FSTL5: variants seen among roughly 807,000 people sequenced by gnomAD.
The protein encoded by FSTL5 is follistatin-related protein 5.
FSTL5 carries 62 observed loss-of-function variants against 89.1 expected under a neutral mutation model. The ratio of observed to expected loss-of-function variants is 0.70; its 90% CI spans 0.57 to 0.86. FSTL5 has a LOEUF of 0.86. FSTL5 is among the 40% of genes least tolerant of loss of function. The pLI is 0.00. For synonymous variants in FSTL5, 383 were observed against 346.2 expected (o/e 1.11, Z -1.18); for missense variants, 1,057 against 1,001.6 (o/e 1.06, Z -0.75).
intron 4 of FSTL5, among the ~76,000 whole-genome samples, chr4:161,864,483 T>A (rs1272500964): frequency 6.6e-6 from 1 of 152,194 alleles, no homozygotes; most frequent in Non-Finnish European, 1.5e-5. Flanking sequence ...GAAAATAGAT[T>A]AAATTAAAGG....
chr4:162,019,649 C>T (rs961886355), intron 3 of FSTL5, among the ~76,000 whole-genome samples: 1 of 151,710 alleles, frequency 6.6e-6, no homozygotes, highest in African/African-American at 2.4e-5. Flanking sequence ...AATATATTCT[C>T]AATATCTTTT....
intron 4 of FSTL5, among the ~76,000 whole-genome samples, chr4:161,835,052 A>G (rs1356823283): frequency 6.9e-6 from 1 of 145,570 alleles, no homozygotes; most frequent in African/African-American, 2.7e-5. Flanking sequence ...ACTTCAAACT[A>G]TACTATAAGG....
At chr4:161,705,858 C>T (rs1295887855) in intron 6 of FSTL5, among the ~76,000 whole-genome samples, 1 of 146,506 alleles carries the variant, frequency 6.8e-6, no homozygotes, top group Non-Finnish European at 1.5e-5. Flanking sequence ...CCAGGAAGGT[C>T]AAGACTGCAT....
At chr4:161,791,396 A>G (rs1398262249) in intron 4 of FSTL5, among the ~76,000 whole-genome samples, 2 of 69,190 alleles carry the variant, frequency 2.9e-5, no homozygotes, top group Non-Finnish European at 7.0e-5. Context: ...CTTAAATTAC[A>G]GATTGAAACA....
intron 4 of FSTL5, among the ~76,000 whole-genome samples, chr4:161,821,338 A>ACT (rs1730487551): frequency 1.3e-5 from 2 of 152,222 alleles, no homozygotes; most frequent in Non-Finnish European, 2.9e-5. Flanking sequence ...GCACATGGCC[A>ACT]GAAACAGGTT....
intron 15 of FSTL5, among the ~76,000 whole-genome samples, chr4:161,415,503 C>A (rs1731741875): frequency 1.3e-5 from 2 of 152,030 alleles, no homozygotes; most frequent in African/African-American, 4.8e-5. Context: ...GATCCACCCG[C>A]ATCAACCTCC....
intron 2 of FSTL5, among the ~76,000 whole-genome samples, chr4:162,084,620 G>A (rs1730235146): frequency 6.6e-6 from 1 of 152,038 alleles, no homozygotes; most frequent in Non-Finnish European, 1.5e-5. Context: ...CATGTCCTTT[G>A]CAGGGACATG....
At chr4:161,467,067 G>C (rs1453133365) in intron 13 of FSTL5, among the ~76,000 whole-genome samples, 2 of 151,798 alleles carry the variant, frequency 1.3e-5, no homozygotes, top group African/African-American at 4.8e-5. Flanking sequence ...GGGATCAGTT[G>C]GACTGGACTG....
At chr4:161,422,590 C>T (rs866539762) in intron 15 of FSTL5, among the ~76,000 whole-genome samples, 1 of 152,118 alleles carries the variant, frequency 6.6e-6, no homozygotes, top group South Asian at 2.1e-4. Context: ...CTCAGAGAAC[C>T]TGAGCATCCA....
At chr4:161,389,999 C>A (rs1037017081) in intron 15 of FSTL5, among the ~76,000 whole-genome samples, 10 of 152,114 alleles carry the variant, frequency 6.6e-5, no homozygotes, top group Admixed American at 2.6e-4. Flanking sequence ...AGAGAGATCA[C>A]ATTGACAATA....
intron 2 of FSTL5, among the ~76,000 whole-genome samples, chr4:162,054,808 AT>A (rs1234397809): frequency 2.0e-5 from 3 of 151,860 alleles, no homozygotes; most frequent in Non-Finnish European, 4.4e-5. Context: ...ATGTTCAGGG[AT>A]ACAGTGTACC....
chr4:161,626,720 C>T (rs181454168), intron 7 of FSTL5, among the ~76,000 whole-genome samples: 512 of 152,284 alleles, frequency 3.4e-3, no homozygotes, highest in African/African-American at 0.012. Flanking sequence ...AATTGAAAAT[C>T]TCTTGGAAAG....
At chr4:161,473,438 T>TC (rs1418953372) in intron 13 of FSTL5, among the ~76,000 whole-genome samples, 1 of 150,542 alleles carries the variant, frequency 6.6e-6, no homozygotes, top group Admixed American at 6.6e-5. Flanking sequence ...TTTTTTTTTT[T>TC]TTTCTGGGAC....
At chr4:161,419,716 C>A (rs974212343) in intron 15 of FSTL5, among the ~76,000 whole-genome samples, 1 of 152,202 alleles carries the variant, frequency 6.6e-6, no homozygotes, top group Admixed American at 6.5e-5. Context: ...TCTCCAAACT[C>A]ATCTCCTAAC....
rs533599316 is a variant in FSTL5 at position 162,140,394 on chromosome 4, G to A, written c.-17+23221C>T. 2.4e-3 allele frequency among the ~76,000 whole-genome samples: 364 copies of A among 152,110 alleles called. 2 individuals carry two copies. Among genetic ancestry groups the A allele is most frequent in the African/African-American group, 8.3e-3 (345 of 41,420 alleles). ...AGCCCATCACTAATTTAGTGGATAA[G>A]GAAACTTTGGTTTTATTTTTAACTA... On this transcript the variant is annotated intron_variant, in intron 1 of 15. Transcript: ENST00000306100.
At chr4:161,877,307 C>A (rs1006951758) in intron 4 of FSTL5, among the ~76,000 whole-genome samples, 1 of 148,924 alleles carries the variant, frequency 6.7e-6, no homozygotes, top group African/African-American at 2.5e-5. Flanking sequence ...TATGATAATA[C>A]AAAAATTACT....
intron 6 of FSTL5, among the ~76,000 whole-genome samples, chr4:161,727,594 A>G (rs1415228357): frequency 6.6e-6 from 1 of 152,150 alleles, no homozygotes; most frequent in Admixed American, 6.5e-5. Flanking sequence ...TTCCCTGACC[A>G]GTTCTAACCC....
chr4:161,988,286 G>A (rs1736021959), intron 3 of FSTL5, among the ~76,000 whole-genome samples: 1 of 152,078 alleles, frequency 6.6e-6, no homozygotes, highest in South Asian at 2.1e-4. Context: ...GATAGGCAAT[G>A]TGATGAAAGC....
chr4:162,095,244 C>G (rs1730705191), intron 2 of FSTL5, among the ~76,000 whole-genome samples: 1 of 152,082 alleles, frequency 6.6e-6, no homozygotes, highest in Non-Finnish European at 1.5e-5. Context: ...ACAGTTAATT[C>G]TAAAGCCTAG....
Sources: allele counts gnomAD v4.1 joint callset (sites outside exome capture counted in the v4.1 genomes callset), GRCh38; gene constraint gnomAD v4.1.1; transcripts MANE v1.5; gene names NCBI Gene and HGNC (gene_info 2026-07-23, HGNC 2026-07-21).